NCALD: variants seen among roughly 807,000 people sequenced by gnomAD.
The protein encoded by NCALD is neurocalcin delta.
Under a neutral mutation model 18.6 loss-of-function variants are expected in NCALD, and 10 were observed. The ratio of observed to expected loss-of-function variants is 0.54; its 90% CI spans 0.33 to 0.91. The LOEUF (loss-of-function observed/expected upper bound fraction) is 0.91. Ranked by LOEUF, NCALD falls within the 40% of genes least tolerant of loss-of-function variation. The probability of loss-of-function intolerance (pLI) is 0.03; values close to 1 mark genes in which losing one functional copy is unlikely to be tolerated. For synonymous variants in NCALD, 88 were observed against 87.4 expected (o/e 1.01, Z -0.04); for missense variants, 184 against 247.6 (o/e 0.74, Z 1.72).
intron 1 of NCALD, among the ~76,000 whole-genome samples, chr8:101,739,966 G>A (rs1421811083): frequency 6.6e-6 from 1 of 152,226 alleles, no homozygotes; most frequent in Non-Finnish European, 1.5e-5. Context: ...TGAGGCCATT[G>A]ATTTGGGTCT....
intron 4 of NCALD, among the ~76,000 whole-genome samples, chr8:101,822,695 G>T (rs1813770610): frequency 6.6e-6 from 1 of 152,190 alleles, no homozygotes; most frequent in South Asian, 2.1e-4. Flanking sequence ...GTGAGCTCCT[G>T]CAGCCTTTGT....
At chr8:101,984,154 C>G in intron 2 of NCALD, among the ~76,000 whole-genome samples, 1 of 152,302 alleles carries the variant, frequency 6.6e-6, no homozygotes, top group South Asian at 2.1e-4. Flanking sequence ...CTCCTTATTA[C>G]TTGGACAGTT....
chr8:101,828,237 C>T (rs566726558), intron 4 of NCALD, among the ~76,000 whole-genome samples: 21 of 152,262 alleles, frequency 1.4e-4, no homozygotes, highest in South Asian at 2.1e-4. Flanking sequence ...ATGGAAGGAA[C>T]CCTCCAGGGA....
chr8:102,006,632 C>CT (rs1399326868), intron 2 of NCALD, among the ~76,000 whole-genome samples: 1 of 152,196 alleles, frequency 6.6e-6, no homozygotes, highest in African/African-American at 2.4e-5. Flanking sequence ...GTCTGACCCC[C>CT]TCCACTCCTC....
At chr8:101,926,933 A>C (rs1259439591) in intron 2 of NCALD, among the ~76,000 whole-genome samples, 3 of 152,218 alleles carry the variant, frequency 2.0e-5, no homozygotes, top group Admixed American at 2.0e-4. Flanking sequence ...CATACAAAGA[A>C]ATTAGAACAT....
At chr8:102,062,698 AG>A (rs1288088384) in intron 1 of NCALD, among the ~76,000 whole-genome samples, 1 of 152,250 alleles carries the variant, frequency 6.6e-6, no homozygotes, top group Non-Finnish European at 1.5e-5. Flanking sequence ...GGATTCAGAT[AG>A]GCTCTACATG....
chr8:102,110,102 C>T (rs1014248823), intron 1 of NCALD, among the ~76,000 whole-genome samples: 2 of 152,098 alleles, frequency 1.3e-5, no homozygotes, highest in Non-Finnish European at 2.9e-5. Context: ...TAGGGAAACA[C>T]CCAGACCTTT....
chr8:102,109,651 G>A (rs1036260561), intron 1 of NCALD, among the ~76,000 whole-genome samples: 7 of 152,080 alleles, frequency 4.6e-5, no homozygotes, highest in African/African-American at 1.7e-4. Flanking sequence ...ATTTTATTAT[G>A]ATAAAGATCT....
chr8:101,850,507 A>C (rs1815049231), intron 4 of NCALD, among the ~76,000 whole-genome samples: 1 of 152,222 alleles, frequency 6.6e-6, no homozygotes, highest in South Asian at 2.1e-4. Flanking sequence ...AAGTCTACCC[A>C]GGAAAGAAAA....
intron 1 of NCALD, among the ~76,000 whole-genome samples, chr8:101,788,137 C>T (rs1222228761): frequency 1.3e-5 from 2 of 152,148 alleles, no homozygotes; most frequent in Admixed American, 1.3e-4. Flanking sequence ...GCAAAATTCA[C>T]ACACTCGAAG....
chr8:101,838,230 T>A (rs1264078633), intron 4 of NCALD, among the ~76,000 whole-genome samples: 1 of 151,014 alleles, frequency 6.6e-6, no homozygotes, highest in Non-Finnish European at 1.5e-5. Context: ...TCTTTTATTT[T>A]CTTTTTTTTT....
chr8:101,924,955 C>T (rs1014084692), intron 2 of NCALD, among the ~76,000 whole-genome samples: 6 of 152,048 alleles, frequency 3.9e-5, no homozygotes, highest in Non-Finnish European at 2.9e-5. Context: ...CCTTCAGATG[C>T]TGTGATTCAT....
intron 2 of NCALD, among the ~76,000 whole-genome samples, chr8:101,924,045 T>C (rs889974774): frequency 7.2e-5 from 11 of 152,182 alleles, no homozygotes; most frequent in South Asian, 2.1e-4. Context: ...GAGTACCCAA[T>C]AGGCAGTTCT....
chr8:101,951,696 T>C (rs1819430236), intron 2 of NCALD, among the ~76,000 whole-genome samples: 1 of 152,216 alleles, frequency 6.6e-6, no homozygotes, highest in Non-Finnish European at 1.5e-5. Context: ...AATAAATAAA[T>C]GGTCTTAAGT....
At chr8:101,798,045 G>A (rs973800159) in intron 4 of NCALD, among the ~76,000 whole-genome samples, 42 of 152,114 alleles carry the variant, frequency 2.8e-4, no homozygotes, top group Admixed American at 2.0e-3. Flanking sequence ...AAAAGTATAC[G>A]GCTAATTTTA....
chr8:101,871,944 T>C (rs1029916673), intron 4 of NCALD: 14 of 736,984 alleles, frequency 1.9e-5, no homozygotes, highest in Non-Finnish European at 3.0e-5. Flanking sequence ...TCTTAACTGC[T>C]CTAGATTCAG....
chr8:101,797,933 T>C (rs967619842), intron 4 of NCALD, among the ~76,000 whole-genome samples: 2 of 152,160 alleles, frequency 1.3e-5, no homozygotes, highest in Admixed American at 6.5e-5. Context: ...AAAAATCTTT[T>C]ATGTCTTCAA....
chr8:101,727,449 G>A (rs1816622265), intron 1 of NCALD, among the ~76,000 whole-genome samples: 1 of 152,036 alleles, frequency 6.6e-6, no homozygotes, highest in Non-Finnish European at 1.5e-5. Context: ...CAAGAGTAAT[G>A]AGTAACCTTT....
intron 2 of NCALD, among the ~76,000 whole-genome samples, chr8:101,977,164 T>C (rs1820453688): frequency 6.6e-6 from 1 of 151,260 alleles, no homozygotes; most frequent in Non-Finnish European, 1.5e-5. Context: ...TCTCAGCAGG[T>C]AATGAAAAGA....
Sources: gnomAD v4.1 joint callset for allele counts (sites outside exome capture counted in the v4.1 genomes callset) on GRCh38, gnomAD v4.1.1 for gene constraint, MANE v1.5 for transcripts, NCBI Gene and HGNC (gene_info 2026-07-23, HGNC 2026-07-21) for gene names.